The following DLC1 variants were observed in gnomAD, a reference collection of about 807,000 sequenced individuals.
DLC1 encodes rho GTPase-activating protein 7.
A neutral mutation model predicts 140.3 loss-of-function variants in DLC1; 54 were observed. The ratio of observed to expected loss-of-function variants is 0.38; its 90% CI spans 0.31 to 0.48. DLC1 has a LOEUF of 0.48. DLC1 is among the 20% of genes least tolerant of loss of function. The pLI is 0.96. For missense variants in DLC1, 2,536 were observed against 1,907.0 expected, an observed-to-expected ratio of 1.33 and a Z score of -6.14; for synonymous variants, 986 against 728.1, an observed-to-expected ratio of 1.35 and a Z score of -5.70.
intron 10 of DLC1, among the ~76,000 whole-genome samples, chr8:13,096,611 A>T (rs1465627745): frequency 6.6e-6 from 1 of 152,120 alleles, no homozygotes; most frequent in African/African-American, 2.4e-5. Context: ...GTGAGGATAA[A>T]CCGGTCAATA....
At chr8:13,551,568 C>G (rs567691000) in intron 1 of DLC1, among the ~76,000 whole-genome samples, 1 of 151,970 alleles carries the variant, frequency 6.6e-6, no homozygotes, top group African/African-American at 2.4e-5. Flanking sequence ...GCATTGCTCT[C>G]AACTATAAAA....
intron 5 of DLC1, among the ~76,000 whole-genome samples, chr8:13,185,577 G>A (rs1826323934): frequency 6.6e-6 from 1 of 152,008 alleles, no homozygotes; most frequent in African/African-American, 2.4e-5. Context: ...AAAGTGCTGG[G>A]GTTACAGGTG....
At chr8:13,474,090 C>T (rs753603677) in intron 2 of DLC1, among the ~76,000 whole-genome samples, 118 of 152,294 alleles carry the variant, frequency 7.7e-4, no homozygotes, top group Non-Finnish European at 1.3e-3. Flanking sequence ...CAGCCCCTCC[C>T]ATCAATGGCC....
Position 13,099,634 on chromosome 8 carries a change from G to A in DLC1, c.2703C>T (p.Asp901=), listed in dbSNP as rs1465929798. 1.2e-6 allele frequency: 2 copies of A among 1,614,080 alleles called. No individual in the cohort carries two copies. The highest frequency in any genetic ancestry group is 1.7e-5 in the Admixed American group (1 of 60,000). ...SGDLADLENE[D]IFPELDDILY... Reference sequence around the variant, plus strand: ...GGATGTCGTCCAGCTCGGGGAAGATGTCCTCGTTCTCCAGATCCGCCAGGT... The same window carrying A: ...GGATGTCGTCCAGCTCGGGGAAGATATCCTCGTTCTCCAGATCCGCCAGGT... Residue 901 remains aspartate, a synonymous_variant, in exon 9 of 18, where the codon GAC becomes GAT. Transcript: ENST00000276297.
intron 2 of DLC1, among the ~76,000 whole-genome samples, chr8:13,483,962 T>G (rs1049603209): frequency 2.0e-5 from 3 of 151,878 alleles, no homozygotes; most frequent in Non-Finnish European, 2.9e-5. Flanking sequence ...TCGCCTGTAG[T>G]CTAGCTACTA....
intron 4 of DLC1, among the ~76,000 whole-genome samples, chr8:13,358,288 C>A (rs1241829465): frequency 1.3e-5 from 2 of 152,166 alleles, no homozygotes; most frequent in Non-Finnish European, 2.9e-5. Flanking sequence ...TATGAATAAG[C>A]AACCTGAAGA....
chr8:13,162,719 C>G (rs970829873), intron 5 of DLC1, among the ~76,000 whole-genome samples: 6 of 152,090 alleles, frequency 3.9e-5, no homozygotes, highest in Non-Finnish European at 7.3e-5. Flanking sequence ...GCAGGAGGAT[C>G]ACTTGAGGCC....
intron 5 of DLC1, among the ~76,000 whole-genome samples, 172 bp from the exon 6 acceptor site, chr8:13,115,829 G>T (rs1412330611): frequency 6.6e-6 from 1 of 152,100 alleles, no homozygotes; most frequent in Non-Finnish European, 1.5e-5. Flanking sequence ...TGTATGCATC[G>T]TTTCCAGTTT....
chr8:13,309,087 G>C (rs1348134334), intron 4 of DLC1, among the ~76,000 whole-genome samples: 1 of 152,044 alleles, frequency 6.6e-6, no homozygotes, highest in East Asian at 1.9e-4. Context: ...CCAATAAAAG[G>C]CATATTTTTG....
At chr8:13,442,195 A>G (rs1403868083) in intron 2 of DLC1, among the ~76,000 whole-genome samples, 1 of 152,222 alleles carries the variant, frequency 6.6e-6, no homozygotes, top group Non-Finnish European at 1.5e-5. Context: ...CCTTAGACAA[A>G]AATTCATTCA....
intron 14 of DLC1, among the ~76,000 whole-genome samples, chr8:13,091,041 C>G (rs1365378834): frequency 2.0e-5 from 3 of 152,050 alleles, no homozygotes; most frequent in Non-Finnish European, 4.4e-5. Flanking sequence ...CTCCGGAGCT[C>G]AAGTGATCCA....
Position 13,500,057 on chromosome 8 carries a change from G to C in DLC1, c.15C>G (p.Ile5Met). The C allele has an allele frequency of 6.2e-7, 1 of 1,613,530 alleles. No homozygotes were observed. Among genetic ancestry groups the C allele is most frequent in the African/African-American group, 1.3e-5 (1 of 75,020 alleles). The change falls in exon 2 of 18, where the codon ATC becomes ATG. Residue 5 changes from isoleucine to methionine, a missense_variant. Transcript: ENST00000276297. MSVA[I>M]RKRSWEEHVT... is the part of the protein sequence containing the mutation. ...CATGTTCTTCCCAGCTTCTCTTTCT[G>C]ATAGCTACAGACATGTCATCGTAGT...
chr8:13,216,387 G>C (rs546669824), intron 5 of DLC1, among the ~76,000 whole-genome samples: 3 of 152,100 alleles, frequency 2.0e-5, no homozygotes, highest in East Asian at 1.9e-4. Flanking sequence ...TTAAAATCCA[G>C]TTCTTCTGAG....
intron 1 of DLC1, among the ~76,000 whole-genome samples, chr8:13,594,865 A>G (rs1267056121): frequency 6.6e-6 from 1 of 151,900 alleles, no homozygotes; most frequent in South Asian, 2.1e-4. Context: ...TATGCAAGGC[A>G]TGTATAAGTT....
chr8:13,159,596 G>A (rs961934182), intron 5 of DLC1, among the ~76,000 whole-genome samples: 1 of 152,036 alleles, frequency 6.6e-6, no homozygotes, highest in African/African-American at 2.4e-5. Flanking sequence ...CCAGACTGGG[G>A]CTTTCCTCTC....
chr8:13,426,802 C>G (rs1160257116), intron 2 of DLC1, among the ~76,000 whole-genome samples: 1 of 152,038 alleles, frequency 6.6e-6, no homozygotes, highest in African/African-American at 2.4e-5. Flanking sequence ...TCCTTCTCTT[C>G]TTTAAAATTG....
intron 1 of DLC1, chr8:13,559,523 CAAATA>C (rs1395421678): frequency 6.6e-6 from 1 of 152,120 alleles, no homozygotes; most frequent in Non-Finnish European, 1.5e-5. Flanking sequence ...AGATTCATCT[CAAATA>C]AAATAATTTG....
chr8:13,216,710 C>G (rs1828216247), intron 5 of DLC1, among the ~76,000 whole-genome samples: 1 of 152,102 alleles, frequency 6.6e-6, no homozygotes, highest in South Asian at 2.1e-4. Context: ...TTTGTGTCAA[C>G]TGATTCTTTG....
chr8:13,409,886 C>A (rs1481682), intron 2 of DLC1, among the ~76,000 whole-genome samples: 53,536 of 151,812 alleles, frequency 0.35, 9,827 homozygotes, highest in African/African-American at 0.43. Context: ...TTTAGTAGGC[C>A]TACGGGGAGG....
Sources: gnomAD v4.1 joint callset for allele counts (sites outside exome capture counted in the v4.1 genomes callset) on GRCh38, gnomAD v4.1.1 for gene constraint, MANE v1.5 for transcripts, NCBI Gene and HGNC (gene_info 2026-07-23, HGNC 2026-07-21) for gene names.